ACVR2A: variants seen among roughly 807,000 people sequenced by gnomAD.
The protein encoded by ACVR2A is activin A receptor type 2A.
Under a neutral mutation model 61.4 loss-of-function variants are expected in ACVR2A, and 7 were observed. The observed-to-expected ratio is 0.11, with a 90% CI of 0.06 to 0.21. ACVR2A has a LOEUF of 0.21. Ranked by LOEUF, ACVR2A falls within the 10% of genes least tolerant of loss-of-function variation. The pLI, the probability that ACVR2A is intolerant of heterozygous loss-of-function variation, is 1.00. For missense variants in ACVR2A, 322 were observed against 621.7 expected, an observed-to-expected ratio of 0.52 and a Z score of 5.13; for synonymous variants, 193 against 208.3, an observed-to-expected ratio of 0.93 and a Z score of 0.63.
chr2:147,912,990 A>C (rs899361493), intron 4 of ACVR2A, among the ~76,000 whole-genome samples: 7 of 151,906 alleles, frequency 4.6e-5, no homozygotes, highest in African/African-American at 1.7e-4. Context: ...GGGTGATCTA[A>C]GATTATTTCT....
intron 2 of ACVR2A, 48 bp from the exon 3 acceptor site, chr2:147,899,410 C>G (rs1362414370): frequency 8.0e-7 from 1 of 1,246,584 alleles, no homozygotes; most frequent in East Asian, 2.4e-5. Flanking sequence ...GTTGTAGGGT[C>G]AGTATAATAA....
At chr2:147,855,133 G>A (rs1480882875) in intron 1 of ACVR2A, among the ~76,000 whole-genome samples, 3 of 152,124 alleles carry the variant, frequency 2.0e-5, no homozygotes, top group African/African-American at 7.2e-5. Context: ...GCCCTCCTTG[G>A]CCTCCCAAAG....
At position 147,930,477 on chromosome 2, in the gene ACVR2A, C is replaced by T. The variant is rs1319137035; in HGVS notation, c.*3203C>T. The T allele has an allele frequency of 2.0e-5, 3 of 150,954 alleles. No homozygotes were observed. Among genetic ancestry groups the T allele is most frequent in the Non-Finnish European group, 1.5e-5 (1 of 67,690 alleles). 9.4% of individuals were successfully genotyped at this position (150,954 alleles called of 1,614,324 possible). ...GTATGATATGCATAAAATTATTTAT[C>T]CATTTATGGGCAAAATGATACAAGT... On this transcript the variant is annotated 3_prime_UTR_variant, in exon 11 of 11. Transcript: ENST00000241416.
chr2:147,862,852 T>G (rs571944330), intron 1 of ACVR2A, among the ~76,000 whole-genome samples: 6 of 152,324 alleles, frequency 3.9e-5, no homozygotes, highest in Admixed American at 2.0e-4. Context: ...GGGTCAAAAT[T>G]GGAACTGGCA....
intron 1 of ACVR2A, among the ~76,000 whole-genome samples, chr2:147,894,252 A>C (rs1220292003): frequency 2.6e-5 from 4 of 152,074 alleles, no homozygotes; most frequent in Admixed American, 2.6e-4. Context: ...CTATAACCAT[A>C]CTGTTTTTAT....
intron 1 of ACVR2A, among the ~76,000 whole-genome samples, chr2:147,873,999 T>C (rs1306574797): frequency 3.3e-5 from 5 of 151,858 alleles, no homozygotes; most frequent in African/African-American, 9.7e-5. Context: ...GCTAATATAG[T>C]AGAGAGGAAG....
chr2:147,916,555 A>G (rs532269632), intron 5 of ACVR2A, among the ~76,000 whole-genome samples: 1 of 152,024 alleles, frequency 6.6e-6, no homozygotes, highest in East Asian at 1.9e-4. Flanking sequence ...ACACTGAAGG[A>G]TTATGTAACT....
chr2:147,901,984 C>T (rs757931912), intron 4 of ACVR2A, among the ~76,000 whole-genome samples: 4 of 151,862 alleles, frequency 2.6e-5, no homozygotes, highest in Non-Finnish European at 5.9e-5. Flanking sequence ...ATAATTACAT[C>T]AAGCATTTAT....
intron 8 of ACVR2A, among the ~76,000 whole-genome samples, chr2:147,921,587 C>G (rs569951926): frequency 2.6e-5 from 4 of 152,178 alleles, no homozygotes; most frequent in South Asian, 4.1e-4. Context: ...GGGTAATGGT[C>G]AGTAGCCATA....
At chr2:147,909,493 T>G (rs979017147) in intron 4 of ACVR2A, among the ~76,000 whole-genome samples, 8 of 152,130 alleles carry the variant, frequency 5.3e-5, no homozygotes, top group African/African-American at 1.9e-4. Context: ...CCTACAAACC[T>G]AATAGCTTGA....
intron 4 of ACVR2A, among the ~76,000 whole-genome samples, chr2:147,908,411 C>T (rs576866873): frequency 2.0e-5 from 3 of 152,128 alleles, no homozygotes; most frequent in Non-Finnish European, 4.4e-5. Context: ...TTCATTTCAC[C>T]TGCCTTGGCC....
At chr2:147,923,992 T>C (rs1687445246) in intron 9 of ACVR2A, among the ~76,000 whole-genome samples, 1 of 152,036 alleles carries the variant, frequency 6.6e-6, no homozygotes, top group South Asian at 2.1e-4. Flanking sequence ...AAATTCAATA[T>C]AGGGTACTAT....
chr2:147,864,771 C>T (rs536598168), intron 1 of ACVR2A, among the ~76,000 whole-genome samples: 101 of 152,136 alleles, frequency 6.6e-4, no homozygotes, highest in African/African-American at 2.1e-3. Context: ...TATAATTAAA[C>T]AATAATCCAC....
intron 1 of ACVR2A, among the ~76,000 whole-genome samples, chr2:147,856,944 A>C (rs1398357191): frequency 6.6e-6 from 1 of 152,204 alleles, no homozygotes; most frequent in African/African-American, 2.4e-5. Flanking sequence ...TTTTGTTAAA[A>C]TGTAAATAGA....
At chr2:147,911,075 T>C (rs1687099332) in intron 4 of ACVR2A, among the ~76,000 whole-genome samples, 1 of 152,184 alleles carries the variant, frequency 6.6e-6, no homozygotes. Flanking sequence ...GAAACTGATT[T>C]CTAGCTATAT....
chr2:147,867,675 C>CAGAT (rs1685898281), intron 1 of ACVR2A, among the ~76,000 whole-genome samples: 1 of 152,152 alleles, frequency 6.6e-6, no homozygotes, highest in Non-Finnish European at 1.5e-5. Flanking sequence ...ATTACAGAAA[C>CAGAT]TAAGGGATCT....
chr2:147,923,680 T>TC (rs1244535852), intron 9 of ACVR2A, among the ~76,000 whole-genome samples: 1 of 152,130 alleles, frequency 6.6e-6, no homozygotes, highest in African/African-American at 2.4e-5. Flanking sequence ...TCAAGCACTG[T>TC]CTTTAGTACT....
chr2:147,872,169 C>T (rs1686037100), intron 1 of ACVR2A, among the ~76,000 whole-genome samples: 1 of 151,920 alleles, frequency 6.6e-6, no homozygotes, highest in African/African-American at 2.4e-5. Context: ...AAGTGTGTTC[C>T]ACCTGCCACT....
rs1687526693 is a variant in ACVR2A, at chr2:147,927,286, T to C, written c.*12T>C. ...AATCTAGTCTATGATGGTTGCGCCA[T>C]CTGTGCACACTAAGAAATGGGACTC... On this transcript the variant is annotated 3_prime_UTR_variant, in exon 11 of 11. Coordinates refer to ENST00000241416, the MANE Select transcript of ACVR2A (RefSeq NM_001616.5). 1.9e-6 allele frequency: 3 copies of C among 1,606,332 alleles called. No individual in the cohort carries two copies. Among genetic ancestry groups the C allele is most frequent in the African/African-American group, 1.3e-5 (1 of 74,360 alleles).
Sources: gnomAD v4.1 joint callset for allele counts (sites outside exome capture counted in the v4.1 genomes callset) on GRCh38, gnomAD v4.1.1 for gene constraint, MANE v1.5 for transcripts, NCBI Gene and HGNC (gene_info 2026-07-23, HGNC 2026-07-21) for gene names.